The following AJAP1 variants were observed in gnomAD, a reference collection of about 807,000 sequenced individuals.
The protein encoded by AJAP1 is adherens junctions associated protein 1.
Under a neutral mutation model 35.0 loss-of-function variants are expected in AJAP1, and 5 were observed. That is an observed-to-expected ratio of 0.14 (90% CI 0.07 to 0.30). AJAP1 has a LOEUF of 0.30. Ranked by LOEUF, AJAP1 falls within the 10% of genes least tolerant of loss-of-function variation. AJAP1 has a pLI of 1.00. For missense variants in AJAP1, 586 were observed against 571.0 expected (o/e 1.03, Z -0.27); for synonymous variants, 284 against 249.3 (o/e 1.14, Z -1.31).
rs1213132461 is a variant in AJAP1, at chr1:4,723,830, C to T, written c.829+11131C>T. On this transcript the variant is annotated intron_variant, in intron 2 of 5. Transcript: ENST00000378191. The surrounding 1 kb of genome is among the most constrained non-coding windows in gnomAD (Gnocchi z 4.3). ...GGGAGTATTCAGGCACGTCTTTCTG[C>T]CAACGTGAATGACCCAGTAGAGAAT... Among the ~76,000 whole-genome samples, 1 of 151,834 alleles carries T rather than the reference C, an allele frequency of 6.6e-6. No individual in the cohort carries two copies. The highest frequency in any genetic ancestry group is 1.5e-5 in the Non-Finnish European group (1 of 67,982).
chr1:4,677,087 G>T lies in AJAP1; in HGVS notation c.29+21633G>T, dbSNP rs1294193590. On this transcript the variant is annotated intron_variant, in intron 1 of 5. Coordinates refer to ENST00000378191, the MANE Select transcript of AJAP1 (RefSeq NM_018836.4). ...CAGGAGAATTGCTTGAACCTGGGAG[G>T]CGGAGGTTGCGGTGAGCTGAGATCG... 2.6e-5 allele frequency among the ~76,000 whole-genome samples: 4 copies of T among 152,244 alleles called. No individual in the cohort carries two copies. The South Asian group carries it at 8.3e-4, about 32-fold the overall frequency.
intron 2 of AJAP1, among the ~76,000 whole-genome samples, chr1:4,743,564 C>A (rs988815845): frequency 7.2e-5 from 11 of 152,176 alleles, no homozygotes; most frequent in Non-Finnish European, 1.5e-4. Flanking sequence ...CCATCCATCC[C>A]TCCATCCGCC....
chr1:4,708,744 C>T (rs976819469), intron 1 of AJAP1, among the ~76,000 whole-genome samples: 1 of 152,186 alleles, frequency 6.6e-6, no homozygotes, highest in East Asian at 1.9e-4. Context: ...CAATGCAGAG[C>T]CTGGGGCCCT....
chr1:4,771,936 G>A (rs1019608173), intron 3 of AJAP1, among the ~76,000 whole-genome samples: 3 of 152,080 alleles, frequency 2.0e-5, no homozygotes, highest in East Asian at 1.9e-4. Context: ...CTTTTATCCC[G>A]TCGAGGCGTT....
chr1:4,761,647 C>T (rs776375107), intron 2 of AJAP1, among the ~76,000 whole-genome samples: 1 of 152,150 alleles, frequency 6.6e-6, no homozygotes, highest in African/African-American at 2.4e-5. Flanking sequence ...GGAATTGACT[C>T]GCACGTTCAC....
At chr1:4,756,854 T>A (rs1386297089) in intron 2 of AJAP1, among the ~76,000 whole-genome samples, 1 of 152,106 alleles carries the variant, frequency 6.6e-6, no homozygotes, top group African/African-American at 2.4e-5. Flanking sequence ...TTTCCCAGAA[T>A]GCTGAGAAGG....
At chr1:4,746,258 A>G (rs114097897) in intron 2 of AJAP1, among the ~76,000 whole-genome samples, 2,595 of 152,168 alleles carry the variant, frequency 0.017, 68 homozygotes, top group African/African-American at 0.059. Context: ...ATGTGTCTCA[A>G]ATATCCCTCT....
intron 1 of AJAP1, among the ~76,000 whole-genome samples, chr1:4,657,701 C>G (rs1638911598): frequency 1.4e-5 from 1 of 72,990 alleles, no homozygotes; most frequent in African/African-American, 5.8e-5. Flanking sequence ...TGCAGTGTAA[C>G]TTGCTGGGCA....
chr1:4,763,326 T>C (rs1256079070), intron 2 of AJAP1, among the ~76,000 whole-genome samples: 13 of 152,232 alleles, frequency 8.5e-5, no homozygotes, highest in African/African-American at 2.4e-5. Context: ...AGCCGAGTCC[T>C]GTGAGATGTC....
At chr1:4,730,504 G>A (rs146490467) in intron 2 of AJAP1, among the ~76,000 whole-genome samples, 3 of 152,226 alleles carry the variant, frequency 2.0e-5, no homozygotes, top group South Asian at 2.1e-4. Context: ...AACACAAGCC[G>A]CTGCCTCTGC....
At chr1:4,744,990 CCT>C (rs1450603519) in intron 2 of AJAP1, among the ~76,000 whole-genome samples, 1 of 152,098 alleles carries the variant, frequency 6.6e-6, no homozygotes, top group Non-Finnish European at 1.5e-5. Flanking sequence ...CCTATACCTC[CCT>C]GTCCTGGGGC....
At chr1:4,674,042 C>CAAAAAAAAAA (rs57335438) in intron 1 of AJAP1, among the ~76,000 whole-genome samples, 2 of 81,942 alleles carry the variant, frequency 2.4e-5, no homozygotes, top group African/African-American at 4.6e-5. Flanking sequence ...CCCCCGCCAC[C>CAAAAAAAAAA]AAAAAAAAAA....
chr1:4,731,041 T>C (rs554427622), intron 2 of AJAP1, among the ~76,000 whole-genome samples: 1 of 152,226 alleles, frequency 6.6e-6, no homozygotes, highest in Non-Finnish European at 1.5e-5. Flanking sequence ...TTTGATTTTT[T>C]AATTTTATTT....
chr1:4,671,448 T>C (rs923243858), intron 1 of AJAP1, among the ~76,000 whole-genome samples: 1 of 151,432 alleles, frequency 6.6e-6, no homozygotes, highest in African/African-American at 2.4e-5. Flanking sequence ...CTGCATCCAT[T>C]ACCTCCCTTT....
intron 2 of AJAP1, among the ~76,000 whole-genome samples, chr1:4,755,893 G>T (rs1641419605): frequency 6.6e-6 from 1 of 152,122 alleles, no homozygotes. Context: ...ACCTAACAGG[G>T]TTCTTGCTGA....
intron 2 of AJAP1, among the ~76,000 whole-genome samples, chr1:4,755,724 A>C (rs902545499): frequency 5.9e-5 from 9 of 152,114 alleles, no homozygotes; most frequent in Admixed American, 4.6e-4. Context: ...CAGGGACCAC[A>C]CAGTGGGATT....
chr1:4,711,983 T>C lies in AJAP1; in HGVS notation c.113T>C (p.Leu38Pro). 1 of 1,591,596 alleles carries C rather than the reference T, an allele frequency of 6.3e-7. No individual in the cohort carries two copies. Among genetic ancestry groups the C allele is most frequent in the African/African-American group, 1.4e-5 (1 of 72,316 alleles). Residue 38 changes from leucine to proline, a missense_variant, in exon 2 of 6, where the codon CTG (leucine) becomes CCG (proline). Coordinates refer to ENST00000378191, the MANE Select transcript of AJAP1 (RefSeq NM_018836.4). ...LIAMFQLAVD[L>P]PACEALGPGP... is the part of the protein sequence containing the mutation. ...GCCATGTTTCAGCTCGCCGTGGACC[T>C]GCCCGCCTGTGAGGCCCTGGGCCCG...
chr1:4,702,515 G>A (rs1226708746), intron 1 of AJAP1, among the ~76,000 whole-genome samples: 4 of 152,226 alleles, frequency 2.6e-5, no homozygotes, highest in Admixed American at 6.5e-5. Context: ...GGAACCCTTC[G>A]TGAAGGTTCA....
At chr1:4,705,096 A>G (rs1024857663) in intron 1 of AJAP1, among the ~76,000 whole-genome samples, 8 of 151,966 alleles carry the variant, frequency 5.3e-5, no homozygotes, top group Non-Finnish European at 7.4e-5. Flanking sequence ...ATTTTCTCCC[A>G]TTTTGTAGGT....
Sources: allele counts gnomAD v4.1 joint callset (sites outside exome capture counted in the v4.1 genomes callset), GRCh38; gene constraint gnomAD v4.1.1; non-coding constraint Gnocchi (gnomAD v3.1); transcripts MANE v1.5; gene names NCBI Gene and HGNC (gene_info 2026-07-23, HGNC 2026-07-21).